The following MSR1 variants were observed in gnomAD, a reference collection of about 807,000 sequenced individuals.
The protein encoded by MSR1 is macrophage scavenger receptor 1, also known as macrophage scavenger receptor types I and II.
MSR1 carries 53 observed loss-of-function variants against 47.2 expected under a neutral mutation model. The ratio of observed to expected loss-of-function variants is 1.12; its 90% confidence interval spans 0.90 to 1.41. The LOEUF (loss-of-function observed/expected upper bound fraction) is 1.41. Ranked by LOEUF, MSR1 falls within the 40% of genes most tolerant of loss-of-function variation. The pLI is 0.00. For synonymous variants in MSR1, 239 were observed against 185.6 expected (o/e 1.29, Z -2.34); for missense variants, 786 against 546.9 (o/e 1.44, Z -4.36).
intron 7 of MSR1, among the ~76,000 whole-genome samples, chr8:16,144,196 T>C (rs1800637075): frequency 6.6e-6 from 1 of 152,010 alleles, no homozygotes; most frequent in Non-Finnish European, 1.5e-5. Context: ...CATATGAGGG[T>C]CAGGGCTTCA....
chr8:16,138,406 A>G (rs911229924), intron 8 of MSR1, among the ~76,000 whole-genome samples: 3 of 152,240 alleles, frequency 2.0e-5, no homozygotes, highest in Admixed American at 6.5e-5. Flanking sequence ...TTTTCTCTTC[A>G]TTATGCATTT....
intron 6 of MSR1, among the ~76,000 whole-genome samples, chr8:16,152,033 C>A (rs1800874808): frequency 6.6e-6 from 1 of 152,102 alleles, no homozygotes; most frequent in Non-Finnish European, 1.5e-5. Flanking sequence ...TAGAAAAGTG[C>A]CTGGCATGTA....
chr8:16,152,799 C>T (rs1292348682), intron 6 of MSR1, among the ~76,000 whole-genome samples: 1 of 151,962 alleles, frequency 6.6e-6, no homozygotes, highest in African/African-American at 2.4e-5. Flanking sequence ...CCTTATATTA[C>T]TACTTATCAT....
chr8:16,129,704 T>C (rs1462123446), intron 8 of MSR1, among the ~76,000 whole-genome samples: 5 of 152,046 alleles, frequency 3.3e-5, no homozygotes, highest in Non-Finnish European at 7.4e-5. Flanking sequence ...CCCAAGATCA[T>C]GCCACTGCAC....
intron 5 of MSR1, among the ~76,000 whole-genome samples, chr8:16,162,544 T>C (rs1801190870): frequency 6.6e-6 from 1 of 152,006 alleles, no homozygotes; most frequent in Non-Finnish European, 1.5e-5. Flanking sequence ...TTAAATAATT[T>C]ACCAAGATGG....
intron 3 of MSR1, among the ~76,000 whole-genome samples, chr8:16,170,636 T>A (rs938152068): frequency 6.6e-6 from 1 of 152,182 alleles, no homozygotes; most frequent in African/African-American, 2.4e-5. Context: ...AGTGATATGG[T>A]GATAGTACCA....
At chr8:16,164,892 A>G (rs1585177482) in intron 4 of MSR1, among the ~76,000 whole-genome samples, 1 of 152,080 alleles carries the variant, frequency 6.6e-6, no homozygotes, top group Admixed American at 6.6e-5. Context: ...AAAAAGACAG[A>G]GGATCTACCT....
In MSR1 at chr8:16,156,321, A is replaced by G. The variant is rs563709737; in HGVS notation, c.818-1177T>C. On this transcript the variant is annotated intron_variant, in intron 5 of 9. Coordinates refer to ENST00000262101, the MANE Select transcript of MSR1 (RefSeq NM_138715.3). ...TGTTTACAAATTTTAATCAGGTGGG[A>G]GACATAATACCCGAAGAAATCTAAG... Among the ~76,000 whole-genome samples, 106 of 152,052 alleles carry G rather than the reference A, an allele frequency of 7.0e-4. 1 individual carries two copies. The South Asian group carries it at 0.022, about 31-fold the overall frequency.
At chr8:16,159,168 G>T (rs2117155918) in intron 5 of MSR1, among the ~76,000 whole-genome samples, 2 of 151,378 alleles carry the variant, frequency 1.3e-5, no homozygotes, top group Admixed American at 1.3e-4. Flanking sequence ...GCCCTCAGTT[G>T]CTTTTTCATT....
intron 7 of MSR1, among the ~76,000 whole-genome samples, chr8:16,146,371 A>G (rs1800699067): frequency 6.6e-6 from 1 of 151,910 alleles, no homozygotes; most frequent in Non-Finnish European, 1.5e-5. Context: ...CTTCCTTCAA[A>G]GAAAAAAAAA....
At chr8:16,143,487 C>T (rs1800616017) in intron 8 of MSR1, 71 bp downstream of exon 8, 5 of 1,394,232 alleles carry the variant, frequency 3.6e-6, no homozygotes, top group African/African-American at 1.4e-5. Flanking sequence ...TTGCCTCAAG[C>T]CCAGATCTCT....
At chr8:16,155,032 A>T (rs758488304) in intron 6 of MSR1, 32 bp downstream of exon 6, 3 of 1,529,652 alleles carry the variant, frequency 2.0e-6, no homozygotes, top group Non-Finnish European at 1.8e-6. Context: ...CTATCTTCAC[A>T]GTATATGATT....
chr8:16,123,524 T>C (rs200713935), intron 8 of MSR1, among the ~76,000 whole-genome samples: 1 of 3,178 alleles, frequency 3.1e-4, no homozygotes, highest in Non-Finnish European at 1.5e-3. Context: ...CAGATAGGGC[T>C]TTTTTTTTTT....
chr8:16,135,154 T>C (rs548690168), intron 8 of MSR1, among the ~76,000 whole-genome samples: 1 of 152,334 alleles, frequency 6.6e-6, no homozygotes, highest in South Asian at 2.1e-4. Context: ...ATTTTCAATG[T>C]AGATGAAACA....
At chr8:16,165,845 C>T (rs1412074448) in intron 4 of MSR1, among the ~76,000 whole-genome samples, 1 of 152,194 alleles carries the variant, frequency 6.6e-6, no homozygotes, top group East Asian at 1.9e-4. Flanking sequence ...TCTAACTGTG[C>T]CTTCTCCCAA....
intron 3 of MSR1, among the ~76,000 whole-genome samples, chr8:16,174,572 G>A (rs1433388708): frequency 1.3e-5 from 2 of 152,000 alleles, no homozygotes; most frequent in Non-Finnish European, 2.9e-5. Flanking sequence ...CAAGTATCAC[G>A]TTGTATATTT....
Position 16,189,583 on chromosome 8 carries a change from T to G in MSR1, c.-5+3015A>C, listed in dbSNP as rs1348682228. 6.0e-5 allele frequency among the ~76,000 whole-genome samples: 6 copies of G among 99,770 alleles called. 1 individual carries two copies. The highest frequency in any genetic ancestry group is 1.0e-4 in the Non-Finnish European group (6 of 59,178). 65.5% of individuals were successfully genotyped at this position (99,770 alleles called of 152,430 possible). A position where few individuals can be genotyped will look rare whatever the true frequency, so the allele number is the denominator to read the frequency against. On this transcript the variant is annotated intron_variant, in intron 1 of 9. Coordinates refer to ENST00000262101, the MANE Select transcript of MSR1 (RefSeq NM_138715.3). The stretch of plus-strand genomic sequence containing the variant: ...ATGAAATCTTATTTTATATATATTT[T>G]ATATATATTTTATATATATATAAAA...
intron 1 of MSR1, 115 bp from the exon 2 acceptor site, chr8:16,178,107 T>TTTC: frequency 3.7e-6 from 3 of 800,908 alleles, no homozygotes; most frequent in Non-Finnish European, 4.0e-6. Context: ...GTTTTTCTTT[T>TTTC]TTTTTTTTAA....
intron 8 of MSR1, among the ~76,000 whole-genome samples, chr8:16,132,294 G>C (rs1283176526): frequency 6.6e-6 from 1 of 151,922 alleles, no homozygotes; most frequent in Non-Finnish European, 1.5e-5. Context: ...CAGCTTGACT[G>C]TTATTGGTGT....
Sources: gnomAD v4.1 joint callset for allele counts (sites outside exome capture counted in the v4.1 genomes callset) on GRCh38, gnomAD v4.1.1 for gene constraint, MANE v1.5 for transcripts, NCBI Gene and HGNC (gene_info 2026-07-23, HGNC 2026-07-21) for gene names.